The following ZNF483 variants were observed in gnomAD, a reference collection of about 807,000 sequenced individuals.
The protein encoded by ZNF483 is zinc finger protein HIT-10.
A neutral mutation model predicts 28.6 loss-of-function variants in ZNF483; 9 were observed. The ratio of observed to expected loss-of-function variants is 0.32; its 90% CI spans 0.19 to 0.55. The LOEUF (loss-of-function observed/expected upper bound fraction) is 0.55, where lower values mean the gene tolerates loss of function less well. ZNF483 is among the 20% of genes least tolerant of loss of function. ZNF483 has a pLI of 0.93. For missense variants in ZNF483, 675 were observed against 871.7 expected (o/e 0.77, Z 2.84); for synonymous variants, 322 against 306.2 (o/e 1.05, Z -0.54).
At chr9:111,529,303 A>G (rs1827261978) in intron 2 of ZNF483, among the ~76,000 whole-genome samples, 1 of 152,218 alleles carries the variant, frequency 6.6e-6, no homozygotes, top group African/African-American at 2.4e-5. Flanking sequence ...GTATGATTTG[A>G]AAAAATAATT....
chr9:111,566,121 C>G (rs930048554), intron 5 of ZNF483, among the ~76,000 whole-genome samples: 1 of 151,952 alleles, frequency 6.6e-6, no homozygotes, highest in Non-Finnish European at 1.5e-5. Context: ...GAGAATCACT[C>G]GAACCCAGGA....
rs59331622 is a variant in ZNF483 at position 111,564,894 on chromosome 9, C to T, written c.722-11471C>T. Among the ~76,000 whole-genome samples, 354 of 151,980 alleles carry T rather than the reference C, an allele frequency of 2.3e-3. 2 individuals carry two copies. Among genetic ancestry groups the T allele is most frequent in the Non-Finnish European group, 3.9e-3 (268 of 67,946 alleles). ...ATCCCAGCACTTTGGGAGGCTGAGG[C>T]GGGTGGATCACCCGAGGTCAGGAGT... is the stretch of plus-strand genomic sequence containing the variant. On this transcript the variant is annotated intron_variant, in intron 5 of 5. Transcript: ENST00000358151.
In ZNF483 at chr9:111,527,557, G is replaced by T. The variant is rs1827213252; in HGVS notation, c.162G>T (p.Arg54Ser). 6.2e-7 allele frequency: 1 copy of T among 1,614,242 alleles called. No individual in the cohort carries two copies. The highest frequency in any genetic ancestry group is 2.2e-5 in the East Asian group (1 of 44,880). The change falls in exon 2 of 6, where the codon AGG becomes AGT. Residue 54 changes from arginine (R) to serine (S), a missense_variant. Coordinates refer to ENST00000309235, the MANE Select transcript of ZNF483 (RefSeq NM_133464.5). ...NAADAESFRQRFRWFCYSEVA... is the reference protein window; with the variant it reads ...NAADAESFRQSFRWFCYSEVA... The stretch of plus-strand genomic sequence containing the variant: ...CTGATGCAGAGTCTTTCAGACAGAG[G>T]TTTAGGTGGTTTTGTTACTCAGAAG...
intron 5 of ZNF483, among the ~76,000 whole-genome samples, chr9:111,536,496 G>A (rs1461241946): frequency 6.6e-6 from 1 of 152,168 alleles, no homozygotes; most frequent in Non-Finnish European, 1.5e-5. Context: ...CAGCACTCCA[G>A]CCTGGGCGAC....
At chr9:111,531,413 G>A (rs1019639662) in intron 3 of ZNF483, among the ~76,000 whole-genome samples, 3 of 151,860 alleles carry the variant, frequency 2.0e-5, no homozygotes, top group East Asian at 1.9e-4. Flanking sequence ...GTTTTACTCC[G>A]TTGCCCAGGC....
At chr9:111,538,493 G>GAAA (rs11463840) in intron 5 of ZNF483, among the ~76,000 whole-genome samples, 4 of 140,922 alleles carry the variant, frequency 2.8e-5, no homozygotes, top group African/African-American at 5.2e-5. Context: ...CCATCTCTTA[G>GAAA]AAAAAAAAAA....
chr9:111,567,453 G>A (rs1476020323), intron 5 of ZNF483, among the ~76,000 whole-genome samples: 6 of 152,098 alleles, frequency 3.9e-5, no homozygotes, highest in Admixed American at 3.9e-4. Flanking sequence ...CCAAAGTGCT[G>A]GGATTACAAG....
chr9:111,569,999 G>C, intron 5 of ZNF483: 2 of 1,574,684 alleles, frequency 1.3e-6, no homozygotes, highest in Non-Finnish European at 1.7e-6. Context: ...ATGCGGCAGA[G>C]ATGGGGAAGA....
chr9:111,526,107 G>A (rs553379053), intron 1 of ZNF483, among the ~76,000 whole-genome samples: 35 of 152,312 alleles, frequency 2.3e-4, no homozygotes, highest in African/African-American at 8.4e-4. Context: ...GGCAGTCTGT[G>A]TGCAAAGGAG....
chr9:111,570,182 T>C, intron 5 of ZNF483: 1 of 1,614,036 alleles, frequency 6.2e-7, no homozygotes, highest in Non-Finnish European at 8.5e-7. Context: ...GCGAAGCTCC[T>C]GATAGATAAC....
At chr9:111,563,176 G>A in intron 5 of ZNF483, 1 of 1,613,808 alleles carries the variant, frequency 6.2e-7, no homozygotes, top group Non-Finnish European at 8.5e-7. Flanking sequence ...TCCCATAAAT[G>A]CAGCTGGCAT....
At chr9:111,541,307 T>C (rs895815694) in intron 5 of ZNF483, among the ~76,000 whole-genome samples, 1 of 152,102 alleles carries the variant, frequency 6.6e-6, no homozygotes, top group Non-Finnish European at 1.5e-5. Context: ...GCCAGGATGG[T>C]CTTGATCTCC....
At chr9:111,575,645 G>C (rs1286779991) in intron 5 of ZNF483, among the ~76,000 whole-genome samples, 1 of 152,232 alleles carries the variant, frequency 6.6e-6, no homozygotes, top group African/African-American at 2.4e-5. Flanking sequence ...CAGTTCAATA[G>C]AGGAAAAATA....
chr9:111,568,704 C>A (rs10980951), intron 5 of ZNF483, among the ~76,000 whole-genome samples: 16 of 152,052 alleles, frequency 1.1e-4, no homozygotes, highest in South Asian at 2.1e-4. Context: ...TATGTGGTGT[C>A]GCCCCCAGCA....
intron 5 of ZNF483, chr9:111,563,254 T>C (rs754327548): frequency 3.1e-6 from 5 of 1,599,200 alleles, no homozygotes; most frequent in Non-Finnish European, 3.4e-6. Context: ...AACAACAAAT[T>C]TTAAAACTTA....
At chr9:111,555,908 A>G (rs913465615), downstream of ZNF483, among the ~76,000 whole-genome samples, 1 of 152,172 alleles carries the variant, frequency 6.6e-6, no homozygotes, top group Admixed American at 6.5e-5. Flanking sequence ...AAAGCTAATC[A>G]TGCCTTCCCA....
chr9:111,543,310 A>G lies in ZNF483; in HGVS notation c.*140A>G. 7.1e-7 allele frequency: 1 copy of G among 1,405,292 alleles called. No individual in the cohort carries two copies. The highest frequency in any genetic ancestry group is 9.2e-7 in the Non-Finnish European group (1 of 1,086,788). The allele number at this position is 1,405,292 out of a possible 1,614,324, so 87.1% of individuals were successfully genotyped here. ...AGGAAAAATATCCTTTTGCCCATTCATCCCTCTTCTTTTCAAGGATGGCAA... is the reference window on the plus strand; with the variant it reads ...AGGAAAAATATCCTTTTGCCCATTCGTCCCTCTTCTTTTCAAGGATGGCAA... On this transcript the variant is annotated 3_prime_UTR_variant, in exon 6 of 6. Coordinates refer to ENST00000309235, the MANE Select transcript of ZNF483 (RefSeq NM_133464.5).
chr9:111,541,548 C>T, intron 5 of ZNF483, 109 bp from the exon 6 acceptor site: 2 of 802,126 alleles, frequency 2.5e-6, no homozygotes, highest in Non-Finnish European at 3.6e-6. Flanking sequence ...TTTTGAGAAC[C>T]ATCGAAACTA....
chr9:111,576,478 A>C, exon 6 of ZNF483: 1 of 1,607,980 alleles, frequency 6.2e-7, no homozygotes, highest in East Asian at 2.2e-5. Flanking sequence ...GGGCCACTGC[A>C]GTGCAGTTCA....
Sources: allele counts gnomAD v4.1 joint callset (sites outside exome capture counted in the v4.1 genomes callset), GRCh38; gene constraint gnomAD v4.1.1; transcripts MANE v1.5; gene names NCBI Gene and HGNC (gene_info 2026-07-23, HGNC 2026-07-21).